The following CRYBG1 variants were observed in gnomAD, a reference collection of about 807,000 sequenced individuals.
The protein encoded by CRYBG1 is beta/gamma crystallin domain-containing protein 1.
In CRYBG1, 139 loss-of-function variants were observed where a neutral mutation model predicts 189.2. The ratio of observed to expected loss-of-function variants is 0.73; its 90% CI spans 0.64 to 0.85. The LOEUF (loss-of-function observed/expected upper bound fraction) is 0.85. Ranked by LOEUF, CRYBG1 falls within the 40% of genes least tolerant of loss-of-function variation. The probability of loss-of-function intolerance (pLI) is 0.00; values close to 1 mark genes in which losing one functional copy is unlikely to be tolerated. For missense variants in CRYBG1, 2,611 were observed against 2,675.8 expected (o/e 0.98, Z 0.53); for synonymous variants, 1,023 against 1,017.1 (o/e 1.01, Z -0.11).
At chr6:106,565,315 C>T (rs1028784807) in intron 21 of CRYBG1, among the ~76,000 whole-genome samples, 1 of 31,484 alleles carries the variant, frequency 3.2e-5, no homozygotes, top group African/African-American at 6.3e-5. Context: ...GGCAAGACTT[C>T]GTCTCAAAAA....
chr6:106,506,848 A>G (rs1298446900), intron 2 of CRYBG1, among the ~76,000 whole-genome samples: 1 of 152,178 alleles, frequency 6.6e-6, no homozygotes, highest in African/African-American at 2.4e-5. Context: ...TTGTTCCCAT[A>G]GTTACTATAA....
chr6:106,391,768 C>A (rs1436711677), intron 1 of CRYBG1, among the ~76,000 whole-genome samples: 1 of 152,126 alleles, frequency 6.6e-6, no homozygotes, highest in Non-Finnish European at 1.5e-5. Flanking sequence ...ACTTTGGTGC[C>A]TGATATAAAC....
At chr6:106,477,682 A>AT in intron 2 of CRYBG1, among the ~76,000 whole-genome samples, 1 of 152,242 alleles carries the variant, frequency 6.6e-6, no homozygotes, top group Non-Finnish European at 1.5e-5. Flanking sequence ...AAGAAAAAAA[A>AT]GGAGACCCAT....
At chr6:106,363,292 C>G (rs1244743180) in intron 1 of CRYBG1, among the ~76,000 whole-genome samples, 3 of 151,454 alleles carry the variant, frequency 2.0e-5, no homozygotes, top group African/African-American at 4.8e-5. Flanking sequence ...TTGCTTCTCT[C>G]CTTGAGTTTT....
intron 2 of CRYBG1, among the ~76,000 whole-genome samples, chr6:106,481,763 C>A (rs953195405): frequency 6.6e-5 from 10 of 152,230 alleles, no homozygotes; most frequent in African/African-American, 2.4e-4. Flanking sequence ...CCACTGAAGG[C>A]CGGCCTATCC....
chr6:106,552,297 C>T, intron 15 of CRYBG1, 81 bp downstream of exon 15: 5 of 1,077,484 alleles, frequency 4.6e-6, no homozygotes. Context: ...AAATGTCAGA[C>T]ATTTGGGGCC....
intron 1 of CRYBG1, among the ~76,000 whole-genome samples, chr6:106,411,055 A>G (rs1347175333): frequency 6.6e-6 from 1 of 152,204 alleles, no homozygotes; most frequent in African/African-American, 2.4e-5. Flanking sequence ...TAAAAATGCT[A>G]AAGGTAGAAA....
chr6:106,410,188 C>T, intron 1 of CRYBG1, among the ~76,000 whole-genome samples: 1 of 152,024 alleles, frequency 6.6e-6, no homozygotes, highest in Non-Finnish European at 1.5e-5. Flanking sequence ...AAAAAAACAA[C>T]CCCATCAAAA....
intron 1 of CRYBG1, among the ~76,000 whole-genome samples, chr6:106,416,089 C>T (rs1243658399): frequency 4.6e-5 from 7 of 152,224 alleles, no homozygotes; most frequent in Non-Finnish European, 8.8e-5. Flanking sequence ...ACTGTTCCCT[C>T]TGCTGCCCCC....
intron 2 of CRYBG1, among the ~76,000 whole-genome samples, chr6:106,479,087 A>G (rs1582785951): frequency 6.6e-6 from 1 of 152,222 alleles, no homozygotes; most frequent in Non-Finnish European, 1.5e-5. Context: ...TTTATTGCCA[A>G]AAAATGCCAC....
intron 1 of CRYBG1, among the ~76,000 whole-genome samples, chr6:106,438,414 G>A (rs1198886790): frequency 3.9e-5 from 6 of 152,132 alleles, no homozygotes; most frequent in Admixed American, 3.9e-4. Flanking sequence ...GGGGCTAGAA[G>A]TCCAAAATCA....
intron 1 of CRYBG1, among the ~76,000 whole-genome samples, chr6:106,444,561 T>C (rs140531209): frequency 6.4e-4 from 97 of 152,300 alleles, no homozygotes; most frequent in African/African-American, 2.3e-3. Flanking sequence ...AGCCAAACCT[T>C]GTGGAACCTA....
At chr6:106,422,863 T>C (rs1430287259) in intron 1 of CRYBG1, among the ~76,000 whole-genome samples, 2 of 152,178 alleles carry the variant, frequency 1.3e-5, no homozygotes, top group African/African-American at 2.4e-5. Context: ...GGAGCATGAT[T>C]AGGTGCCCAA....
At chr6:106,488,752 G>T (rs952213866) in intron 2 of CRYBG1, among the ~76,000 whole-genome samples, 1 of 152,150 alleles carries the variant, frequency 6.6e-6, no homozygotes, top group East Asian at 1.9e-4. Context: ...ATGAATTTTG[G>T]CGTGGGTGTC....
At chr6:106,516,368 G>A (rs1773419786) in intron 3 of CRYBG1, among the ~76,000 whole-genome samples, 1 of 152,038 alleles carries the variant, frequency 6.6e-6, no homozygotes, top group Non-Finnish European at 1.5e-5. Flanking sequence ...CAAGTAGCTG[G>A]GATTATAGGC....
rs1224234503 is a variant in CRYBG1 at position 106,519,152 on chromosome 6, G to A, written c.1944G>A (p.Val648=). 8 of 1,613,240 alleles carry A rather than the reference G, an allele frequency of 5.0e-6. No homozygotes were observed. The highest frequency in any genetic ancestry group is 6.8e-6 in the Non-Finnish European group (8 of 1,179,646). Residue 648 remains valine (V), a synonymous_variant, in exon 4 of 22, where the codon GTG becomes GTA. Coordinates refer to ENST00000633556, the MANE Select transcript of CRYBG1 (RefSeq NM_001371242.2). The part of the protein sequence containing the change: ...KVTLPAKPKH[V]ELNLKTPKNL... ...ACAGCCCTGCCAAGCCCAAACATGT[G>A]GAACTAAATCTTAAAACCCCTAAGA...
chr6:106,548,678 C>T (rs1443592652), intron 13 of CRYBG1, among the ~76,000 whole-genome samples: 1 of 151,970 alleles, frequency 6.6e-6, no homozygotes, highest in Non-Finnish European at 1.5e-5. Flanking sequence ...TGTGGCTCTA[C>T]TTCTTTAATT....
chr6:106,424,398 C>A (rs1398900149), intron 1 of CRYBG1, among the ~76,000 whole-genome samples: 1 of 152,160 alleles, frequency 6.6e-6, no homozygotes, highest in Non-Finnish European at 1.5e-5. Context: ...ACTCATCCTC[C>A]CTTCCCACTG....
intron 7 of CRYBG1, 40 bp from the exon 8 acceptor site, chr6:106,530,136 T>A (rs201708452): frequency 2.7e-4 from 410 of 1,532,114 alleles, no homozygotes; most frequent in Non-Finnish European, 3.4e-4. Flanking sequence ...GTGAAATACA[T>A]GGTGCAATTC....
Sources: gnomAD v4.1 joint callset for allele counts (sites outside exome capture counted in the v4.1 genomes callset) on GRCh38, gnomAD v4.1.1 for gene constraint, MANE v1.5 for transcripts, NCBI Gene and HGNC (gene_info 2026-07-23, HGNC 2026-07-21) for gene names.